The following CLCN5 variants were observed in gnomAD, a reference collection of about 807,000 sequenced individuals.
CLCN5 encodes the protein H(+)/Cl(-) exchange transporter 5.
Under a neutral mutation model 54.0 loss-of-function variants are expected in CLCN5, and 17 were observed. That is an observed-to-expected ratio of 0.31 (90% confidence interval 0.22 to 0.47). CLCN5 has a LOEUF of 0.47. Among genes scored for constraint, CLCN5 ranks in the 20% least tolerant of loss-of-function variants. The pLI is 1.00. For missense variants in CLCN5, 448 were observed against 646.7 expected (o/e 0.69, Z 3.33); for synonymous variants, 222 against 233.0 (o/e 0.95, Z 0.43).
chrX:49,959,743 C>A (rs782695933), intron 3 of CLCN5, among the ~76,000 whole-genome samples: 1 of 111,276 alleles, frequency 9.0e-6, no homozygotes, highest in East Asian at 2.8e-4. Flanking sequence ...TCTATGAGAC[C>A]TCTGGAACCT....
intron 9 of CLCN5, among the ~76,000 whole-genome samples, chrX:50,083,350 T>C (rs781838396): frequency 9.0e-6 from 1 of 110,707 alleles, no homozygotes; most frequent in South Asian, 3.9e-4. Context: ...GAAATATGAG[T>C]AGATTGTTTA....
intron 3 of CLCN5, among the ~76,000 whole-genome samples, chrX:49,940,458 C>G (rs1349154787): frequency 2.7e-5 from 3 of 111,920 alleles, no homozygotes; most frequent in Non-Finnish European, 5.6e-5. Context: ...CTTCGTCTAA[C>G]TTCTGTGGTA....
intron 3 of CLCN5, among the ~76,000 whole-genome samples, chrX:49,956,922 A>G (rs1267555997): frequency 9.0e-6 from 1 of 111,715 alleles, no homozygotes; most frequent in African/African-American, 3.3e-5. Context: ...GCCCTCAGGA[A>G]TTGACTTGGT....
chrX:50,033,050 T>G, intron 3 of CLCN5, among the ~76,000 whole-genome samples: 1 of 111,203 alleles, frequency 9.0e-6, no homozygotes, highest in Non-Finnish European at 1.9e-5. Context: ...GCGTTATTTC[T>G]GAGGGCTCTG....
intron 4 of CLCN5, among the ~76,000 whole-genome samples, chrX:50,056,893 G>C (rs1259888242): frequency 9.0e-6 from 1 of 111,682 alleles, no homozygotes; most frequent in Admixed American, 9.5e-5. Flanking sequence ...TCATAGATTT[G>C]TTGGAGTTCT....
intron 3 of CLCN5, among the ~76,000 whole-genome samples, chrX:49,934,050 C>T (rs1246362501): frequency 9.0e-6 from 1 of 110,982 alleles, no homozygotes; most frequent in East Asian, 2.8e-4. Context: ...CCTGGGGCTC[C>T]TGATAATCAG....
At chrX:50,030,108 A>G (rs1931620434) in intron 3 of CLCN5, among the ~76,000 whole-genome samples, 1 of 112,210 alleles carries the variant, frequency 8.9e-6, no homozygotes, top group African/African-American at 3.2e-5. Flanking sequence ...CTAGATGAAT[A>G]TCACTACCAG....
At chrX:49,973,449 G>T (rs926664767) in intron 3 of CLCN5, among the ~76,000 whole-genome samples, 1 of 108,861 alleles carries the variant, frequency 9.2e-6, no homozygotes, top group Non-Finnish European at 1.9e-5. Flanking sequence ...GTGCCATGTT[G>T]GTGTGCTGCA....
intron 3 of CLCN5, among the ~76,000 whole-genome samples, chrX:49,983,846 C>G (rs1928861320): frequency 9.1e-6 from 1 of 109,762 alleles, no homozygotes; most frequent in South Asian, 3.8e-4. Flanking sequence ...CTTTGTTGAA[C>G]TCATTATTTT....
At chrX:50,080,527 C>A in intron 7 of CLCN5, 67 bp from the exon 8 acceptor site, 2 of 929,872 alleles carry the variant, frequency 2.2e-6, no homozygotes, top group Non-Finnish European at 3.0e-6. Flanking sequence ...AAACATTACT[C>A]AGAAGAGCTG....
intron 3 of CLCN5, among the ~76,000 whole-genome samples, chrX:50,037,725 G>T (rs1165142830): frequency 1.8e-5 from 2 of 111,936 alleles, no homozygotes; most frequent in African/African-American, 3.2e-5. Flanking sequence ...ACATATATAG[G>T]AAGAGAAAAG....
At chrX:50,085,589 TA>T (rs1933855924) in intron 9 of CLCN5, 2 of 235,015 alleles carry the variant, frequency 8.5e-6, no homozygotes, top group African/African-American at 5.7e-5. Flanking sequence ...ACATCTCATT[TA>T]AAAAGCATTC....
chrX:50,083,965 C>T (rs1933801730), intron 9 of CLCN5, among the ~76,000 whole-genome samples: 1 of 111,950 alleles, frequency 8.9e-6, no homozygotes, highest in African/African-American at 3.2e-5. Flanking sequence ...GAGGGGAATT[C>T]GATTTGGCTG....
intron 3 of CLCN5, among the ~76,000 whole-genome samples, chrX:50,012,324 G>A (rs782044888): frequency 4.6e-4 from 51 of 111,885 alleles, no homozygotes; most frequent in Non-Finnish European, 8.1e-4. Flanking sequence ...AAGGCAATAG[G>A]CTTTCTACTT....
At chrX:49,959,916 A>G (rs782498968) in intron 3 of CLCN5, among the ~76,000 whole-genome samples, 2 of 111,196 alleles carry the variant, frequency 1.8e-5, no homozygotes, top group South Asian at 3.8e-4. Flanking sequence ...TGGGGGGCAC[A>G]CTTATTAATC....
In CLCN5 at chrX:50,094,712, G is replaced by C. The variant is rs1557195308; in HGVS notation, c.*2493G>C. The C allele has an allele frequency of 8.9e-6, 1 of 112,403 alleles. No individual in the cohort carries two copies. The highest frequency in any genetic ancestry group is 9.4e-5 in the Admixed American group (1 of 10,589). The allele number at this position is 112,403 out of a possible 1,213,427, so 9.3% of individuals were successfully genotyped here. ...CTCCAGAGAATGACAATATCCCTTT[G>C]ATACCTCACTCCTGATCAATCTCAT... On this transcript the variant is annotated 3_prime_UTR_variant, in exon 15 of 15. Coordinates refer to ENST00000376091, the MANE Select transcript of CLCN5 (RefSeq NM_001127898.4).
At chrX:50,050,349 T>G (rs1206184877) in intron 4 of CLCN5, 2 of 112,228 alleles carry the variant, frequency 1.8e-5, no homozygotes, top group African/African-American at 6.5e-5. Context: ...CAGCTATGAA[T>G]GAGAGTTCCT....
chrX:50,014,594 G>T, intron 3 of CLCN5: 1 of 354,198 alleles, frequency 2.8e-6, no homozygotes, highest in Non-Finnish European at 5.7e-6. Context: ...CAAGCCTTCT[G>T]CCCTGCTCCC....
chrX:49,980,634 G>A (rs1468591789), intron 3 of CLCN5, among the ~76,000 whole-genome samples: 3 of 111,867 alleles, frequency 2.7e-5, no homozygotes, highest in Non-Finnish European at 5.7e-5. Flanking sequence ...AAAATACGGA[G>A]TTTTCTCTCC....
Sources: allele counts gnomAD v4.1 joint callset (sites outside exome capture counted in the v4.1 genomes callset), GRCh38; gene constraint gnomAD v4.1.1; transcripts MANE v1.5; gene names NCBI Gene and HGNC (gene_info 2026-07-23, HGNC 2026-07-21).